ZNF804B: variants seen among roughly 807,000 people sequenced by gnomAD.
ZNF804B encodes the protein zinc finger 804B.
Under a neutral mutation model 101.4 loss-of-function variants are expected in ZNF804B, and 80 were observed. The observed-to-expected ratio is 0.79, with a 90% CI of 0.66 to 0.95. ZNF804B has a LOEUF of 0.95. Among genes scored for constraint, ZNF804B ranks in the 40% least tolerant of loss-of-function variants. ZNF804B has a pLI of 0.00. For synonymous variants in ZNF804B, 622 were observed against 558.8 expected (o/e 1.11, Z -1.59); for missense variants, 1,673 against 1,561.9 (o/e 1.07, Z -1.20).
intron 1 of ZNF804B, among the ~76,000 whole-genome samples, chr7:88,762,554 TC>T (rs1789914820): frequency 6.6e-6 from 1 of 152,200 alleles, no homozygotes; most frequent in African/African-American, 2.4e-5. Context: ...TGGTTATAGA[TC>T]TTTTTTTAAT....
chr7:89,109,528 G>A (rs1311588946), intron 1 of ZNF804B, among the ~76,000 whole-genome samples: 5 of 152,214 alleles, frequency 3.3e-5, no homozygotes, highest in Middle Eastern at 3.4e-3. Context: ...CAGTTACTAG[G>A]AATAATTGAA....
chr7:89,097,020 T>C (rs1041132178), intron 1 of ZNF804B, among the ~76,000 whole-genome samples: 10 of 152,200 alleles, frequency 6.6e-5, no homozygotes, highest in African/African-American at 2.2e-4. Flanking sequence ...GAAAGTCATT[T>C]TCAGTTCCAG....
In ZNF804B at chr7:88,759,959, G is replaced by T. The variant is rs764667789; in HGVS notation, c.-18G>T. 14 of 1,611,636 alleles carry T rather than the reference G, an allele frequency of 8.7e-6. No individual in the cohort carries two copies. The highest frequency in any genetic ancestry group is 1.1e-5 in the Non-Finnish European group (13 of 1,177,902). On this transcript the variant is annotated 5_prime_UTR_variant, in exon 1 of 4. Transcript: ENST00000333190. ...GCCTGGTGAGGAGTTGAGACTCTGC[G>T]CCTCCGCCCGGACCCACATGGCTTG...
chr7:88,921,849 A>G (rs190307010), intron 1 of ZNF804B, among the ~76,000 whole-genome samples: 6 of 152,222 alleles, frequency 3.9e-5, no homozygotes, highest in Admixed American at 3.9e-4. Flanking sequence ...ATAAATCTCT[A>G]TTTTAATTGT....
At chr7:89,076,685 A>G (rs1486375622) in intron 1 of ZNF804B, among the ~76,000 whole-genome samples, 1 of 152,228 alleles carries the variant, frequency 6.6e-6, no homozygotes, top group Non-Finnish European at 1.5e-5. Flanking sequence ...GATTCTTAAG[A>G]GAAATTTTTG....
At chr7:89,142,383 A>G (rs1487606008) in intron 1 of ZNF804B, among the ~76,000 whole-genome samples, 1 of 151,944 alleles carries the variant, frequency 6.6e-6, no homozygotes, top group Non-Finnish European at 1.5e-5. Context: ...AGAACATATT[A>G]TTGTTCTTTG....
At chr7:88,819,992 G>T (rs1790950454) in intron 1 of ZNF804B, among the ~76,000 whole-genome samples, 1 of 152,110 alleles carries the variant, frequency 6.6e-6, no homozygotes, top group Admixed American at 6.6e-5. Flanking sequence ...TAAATCAATT[G>T]GTTGAACTTA....
intron 1 of ZNF804B, among the ~76,000 whole-genome samples, chr7:89,143,780 A>G (rs975351110): frequency 2.8e-4 from 43 of 152,024 alleles, no homozygotes; most frequent in Admixed American, 2.8e-3. Context: ...TGCTATAACA[A>G]GTAAGTATGA....
chr7:88,988,454 A>G (rs535521654), intron 1 of ZNF804B, among the ~76,000 whole-genome samples: 5 of 152,228 alleles, frequency 3.3e-5, no homozygotes, highest in Admixed American at 2.0e-4. Context: ...GAAAAAGGCA[A>G]AGGGCATCAT....
intron 1 of ZNF804B, among the ~76,000 whole-genome samples, chr7:88,943,157 C>CAAAAAT (rs1481809741): frequency 6.6e-6 from 1 of 151,782 alleles, no homozygotes; most frequent in East Asian, 1.9e-4. Context: ...TACGGGAAGT[C>CAAAAAT]AAAAATAAAA....
rs1461239655 is a variant in ZNF804B at position 88,759,812 on chromosome 7, C to T, written c.-165C>T. The T allele has an allele frequency of 3.2e-6, 2 of 615,758 alleles. No individual in the cohort carries two copies. The highest frequency in any genetic ancestry group is 5.8e-6 in the Non-Finnish European group (2 of 347,520). 38.1% of individuals were successfully genotyped at this position (615,758 alleles called of 1,614,324 possible). On this transcript the variant is annotated 5_prime_UTR_variant, in exon 1 of 4. Transcript: ENST00000333190. Reference sequence around the variant, plus strand: ...GCAGCTGTCGGCAGCAGGAGCCCCGCACGGGGCGCGGAGCAGGGACGCGCT... The same window carrying T: ...GCAGCTGTCGGCAGCAGGAGCCCCGTACGGGGCGCGGAGCAGGGACGCGCT...
At chr7:89,094,805 C>G (rs959628839) in intron 1 of ZNF804B, among the ~76,000 whole-genome samples, 10 of 151,778 alleles carry the variant, frequency 6.6e-5, no homozygotes, top group African/African-American at 2.4e-4. Flanking sequence ...GGAAATAGAC[C>G]TAAAAAGAAT....
Position 89,335,893 on chromosome 7 carries a change from G to C in ZNF804B, c.2911G>C (p.Gly971Arg), listed in dbSNP as rs141578416. 6.2e-7 allele frequency: 1 copy of C among 1,613,988 alleles called. No homozygotes were observed. Among genetic ancestry groups the C allele is most frequent in the African/African-American group, 1.3e-5 (1 of 74,914 alleles). Residue 971 changes from glycine (G) to arginine (R), a missense_variant, in exon 4 of 4, where the codon GGC (glycine) becomes CGC (arginine). Physicochemically the swap from Gly to Arg is moderately radical, Grantham distance 125 (BLOSUM62 -2). Coordinates refer to ENST00000333190, the MANE Select transcript of ZNF804B (RefSeq NM_181646.5). ...ATGCACAATTCAACTTGCACCATCA[G>C]GCTGTAACAGACAAGCATTGCCTTT... ...VPCTIQLAPSGCNRQALPLSE... is the reference protein window; with the variant it reads ...VPCTIQLAPSRCNRQALPLSE...
intron 1 of ZNF804B, among the ~76,000 whole-genome samples, chr7:89,017,397 G>C (rs910868458): frequency 6.6e-6 from 1 of 152,156 alleles, no homozygotes; most frequent in Non-Finnish European, 1.5e-5. Context: ...TTGAGAGAGG[G>C]CATCCCTGTC....
intron 1 of ZNF804B, among the ~76,000 whole-genome samples, chr7:88,801,113 G>A (rs1790574232): frequency 6.6e-6 from 1 of 151,806 alleles, no homozygotes; most frequent in African/African-American, 2.4e-5. Context: ...ACATGAGTAA[G>A]TTCTTTAGTG....
intron 1 of ZNF804B, among the ~76,000 whole-genome samples, chr7:88,972,081 G>C (rs550086635): frequency 6.6e-6 from 1 of 151,646 alleles, no homozygotes; most frequent in East Asian, 2.0e-4. Context: ...GAAGTATTTA[G>C]TTGTAAAGTC....
At chr7:89,117,858 T>C (rs1366676606) in intron 1 of ZNF804B, among the ~76,000 whole-genome samples, 1 of 152,184 alleles carries the variant, frequency 6.6e-6, no homozygotes, top group Non-Finnish European at 1.5e-5. Context: ...GAAAAGTTTT[T>C]ACATTTTGAG....
intron 1 of ZNF804B, among the ~76,000 whole-genome samples, chr7:88,791,724 GAAT>G (rs1364339027): frequency 4.6e-5 from 7 of 152,040 alleles, no homozygotes; most frequent in Admixed American, 3.3e-4. Context: ...ATAAATTAAT[GAAT>G]AATAAGTGAT....
At chr7:89,326,377 C>T (rs1584126714) in intron 2 of ZNF804B, among the ~76,000 whole-genome samples, 1 of 152,020 alleles carries the variant, frequency 6.6e-6, no homozygotes. Flanking sequence ...TTGGCCCTTG[C>T]TCTGCAAGTG....
Sources: allele counts gnomAD v4.1 joint callset (sites outside exome capture counted in the v4.1 genomes callset), GRCh38; gene constraint gnomAD v4.1.1; transcripts MANE v1.5; gene names NCBI Gene and HGNC (gene_info 2026-07-23, HGNC 2026-07-21).